The following TNRC6B variants were observed in gnomAD, a reference collection of about 807,000 sequenced individuals.
TNRC6B encodes the protein trinucleotide repeat containing adaptor 6B, also known as trinucleotide repeat-containing gene 6B protein.
Under a neutral mutation model 203.6 loss-of-function variants are expected in TNRC6B, and 52 were observed. That is an observed-to-expected ratio of 0.26 (90% CI 0.20 to 0.32). TNRC6B has a LOEUF of 0.32. TNRC6B is among the 10% of genes least tolerant of loss of function. The pLI is 1.00. For synonymous variants in TNRC6B, 838 were observed against 845.7 expected (o/e 0.99, Z 0.16); for missense variants, 1,923 against 2,286.2 (o/e 0.84, Z 3.24).
At chr22:40,119,645 C>T (rs1308579546) in intron 2 of TNRC6B, among the ~76,000 whole-genome samples, 1 of 152,208 alleles carries the variant, frequency 6.6e-6, no homozygotes, top group African/African-American at 2.4e-5. Flanking sequence ...TGTGTTGTCT[C>T]ATCATCTCAT....
chr22:40,085,315 A>G (rs2068091756), intron 1 of TNRC6B, among the ~76,000 whole-genome samples: 1 of 152,226 alleles, frequency 6.6e-6, no homozygotes, highest in South Asian at 2.1e-4. Context: ...ACATCTAAAA[A>G]TGTAATTCCT....
At chr22:40,240,523 A>G (rs1428016541) in intron 1 of TNRC6B, among the ~76,000 whole-genome samples, 1 of 152,170 alleles carries the variant, frequency 6.6e-6, no homozygotes, top group African/African-American at 2.4e-5. Flanking sequence ...TTTGTATTCC[A>G]TATGTACCTG....
intron 1 of TNRC6B, among the ~76,000 whole-genome samples, chr22:40,107,220 A>G (rs1241677291): frequency 6.6e-6 from 1 of 152,132 alleles, no homozygotes; most frequent in Non-Finnish European, 1.5e-5. Flanking sequence ...ATTTTCCCAT[A>G]TTATCTTCTA....
At chr22:40,302,655 T>C (rs1483889997) in intron 15 of TNRC6B, among the ~76,000 whole-genome samples, 2 of 143,478 alleles carry the variant, frequency 1.4e-5, no homozygotes, top group Admixed American at 6.9e-5. Context: ...AAAAAAAGAG[T>C]TGGGAAGACA....
intron 3 of TNRC6B, among the ~76,000 whole-genome samples, chr22:40,132,390 G>A (rs1005656535): frequency 6.7e-6 from 1 of 149,888 alleles, no homozygotes; most frequent in Non-Finnish European, 1.5e-5. Context: ...GAGACGGGAC[G>A]GGACGGGACG....
intron 3 of TNRC6B, among the ~76,000 whole-genome samples, chr22:40,145,356 T>G (rs2068684604): frequency 6.6e-6 from 1 of 152,194 alleles, no homozygotes; most frequent in South Asian, 2.1e-4. Context: ...ATTGAGGAGC[T>G]TCCACCCATC....
intron 21 of TNRC6B, among the ~76,000 whole-genome samples, chr22:40,317,584 A>T (rs142603141): frequency 3.3e-5 from 5 of 151,630 alleles, no homozygotes; most frequent in Non-Finnish European, 5.9e-5. Flanking sequence ...CTGAAAAAAT[A>T]AAAAAAAGCT....
intron 1 of TNRC6B, among the ~76,000 whole-genome samples, chr22:40,190,384 G>A (rs1601870970): frequency 6.6e-6 from 1 of 152,202 alleles, no homozygotes; most frequent in South Asian, 2.1e-4. Flanking sequence ...TGGAGGTTAT[G>A]TAAAATGGCA....
At chr22:40,227,997 C>G (rs1020157252) in intron 1 of TNRC6B, among the ~76,000 whole-genome samples, 1 of 152,198 alleles carries the variant, frequency 6.6e-6, no homozygotes. Flanking sequence ...AAGGCCATAG[C>G]TAAGACCGCT....
rs1182362375 is a variant in TNRC6B, at chr22:40,265,528, G to C, written c.1298G>C (p.Gly433Ala). The C allele has an allele frequency of 5.0e-6, 8 of 1,613,804 alleles. No homozygotes were observed. The East Asian group carries it at 1.8e-4, about 36-fold the overall frequency. Residue 433 changes from glycine to alanine, a missense_variant, in exon 5 of 23, where the codon GGA (glycine) becomes GCA (alanine). By Grantham distance (60) the Gly-to-Ala change is moderately conservative. Around this residue, in one of 8 missense-constraint regions of TNRC6B, gnomAD observed 614 missense variants for 587.7 expected, o/e 1.04. Coordinates refer to ENST00000454349, the MANE Select transcript of TNRC6B (RefSeq NM_001162501.2). ...TGGGGTGCAGCTAGGGGGCCTTCTG[G>C]AACTGACACAGTCTCTGGACAAAGC... ...GSWGAARGPS[G>A]TDTVSGQSNS...
chr22:40,184,480 G>A (rs1298297566), intron 1 of TNRC6B, among the ~76,000 whole-genome samples: 2 of 152,164 alleles, frequency 1.3e-5, no homozygotes, highest in African/African-American at 2.4e-5. Context: ...ACTAAGCCTT[G>A]ACCAGATGCA....
intron 3 of TNRC6B, among the ~76,000 whole-genome samples, chr22:40,129,564 G>C (rs1159129045): frequency 6.6e-6 from 1 of 152,178 alleles, no homozygotes; most frequent in Non-Finnish European, 1.5e-5. Context: ...TCAAGAGAAA[G>C]GCTCACTCAG....
intron 1 of TNRC6B, among the ~76,000 whole-genome samples, chr22:40,233,801 A>G (rs1018807): frequency 0.32 from 48,769 of 151,960 alleles, 9,584 homozygotes; most frequent in East Asian, 0.57. Flanking sequence ...TCTTTTACTC[A>G]CTTGACATCT....
chr22:40,206,736 C>G (rs975422449), intron 1 of TNRC6B, among the ~76,000 whole-genome samples: 1 of 152,112 alleles, frequency 6.6e-6, no homozygotes, highest in East Asian at 1.9e-4. Flanking sequence ...AGTGGGAAGC[C>G]TAGACAAGAC....
intron 1 of TNRC6B, among the ~76,000 whole-genome samples, chr22:40,224,132 G>A (rs572134821): frequency 3.9e-5 from 6 of 151,976 alleles, no homozygotes; most frequent in Admixed American, 2.0e-4. Flanking sequence ...TCAGCCTCTC[G>A]TAGCTGGGAC....
chr22:40,323,198 T>C lies in TNRC6B; in HGVS notation c.5459T>C (p.Leu1820Ser). ...CATAGGATGGGCAGCCCTGCTCCTT[T>C]ACTACCTGGTGACCTTCTGGGAGGA... Reference protein sequence around the residue: ...DPHRMGSPAPLLPGDLLGGGS... With the variant: ...DPHRMGSPAPSLPGDLLGGGS... The change falls in exon 23 of 23, where the codon TTA becomes TCA. Residue 1820 changes from leucine (L) to serine (S), a missense_variant. Physicochemically the swap from Leu to Ser is moderately radical, Grantham distance 145 (BLOSUM62 -2). Coordinates refer to ENST00000454349, the MANE Select transcript of TNRC6B (RefSeq NM_001162501.2). 1 of 1,613,520 alleles carries C rather than the reference T, an allele frequency of 6.2e-7. No homozygotes were observed. Among genetic ancestry groups the C allele is most frequent in the Non-Finnish European group, 8.5e-7 (1 of 1,179,876 alleles).
At chr22:40,311,047 T>C in intron 17 of TNRC6B, 54 bp downstream of exon 17, 2 of 1,539,346 alleles carry the variant, frequency 1.3e-6, no homozygotes, top group Non-Finnish European at 1.8e-6. Context: ...TAATTGTCAG[T>C]TTCAGGTTCA....
chr22:40,192,058 C>CT (rs938147758), intron 1 of TNRC6B, among the ~76,000 whole-genome samples: 1 of 152,124 alleles, frequency 6.6e-6, no homozygotes, highest in Non-Finnish European at 1.5e-5. Context: ...TAGGATCTTG[C>CT]TTTTTTGCCT....
intron 3 of TNRC6B, among the ~76,000 whole-genome samples, chr22:40,149,148 C>G (rs1026198298): frequency 2.0e-5 from 3 of 152,206 alleles, no homozygotes; most frequent in Admixed American, 2.0e-4. Context: ...AATTGTGATA[C>G]ATTCTGAACA....
Sources: allele counts gnomAD v4.1 joint callset (sites outside exome capture counted in the v4.1 genomes callset), GRCh38; gene constraint gnomAD v4.1.1; regional missense constraint gnomAD v4.1.1; transcripts MANE v1.5; gene names NCBI Gene and HGNC (gene_info 2026-07-23, HGNC 2026-07-21).